Variants in CFAP97D2 observed in about 807,000 individuals in gnomAD.
CFAP97D2 encodes uncharacterized protein CFAP97D2.
intron 3 of CFAP97D2, among the ~76,000 whole-genome samples, chr13:114,206,982 C>T (rs969779537): frequency 1.3e-5 from 2 of 152,190 alleles, no homozygotes; most frequent in Non-Finnish European, 2.9e-5. Context: ...AAGGGACAGG[C>T]ATTGAAATGC....
rs1211410930 is a variant in CFAP97D2, at chr13:114,187,549, CA to C, written c.90+8134del. ...GAACGATAAAATGGGGTCGATTCTCCAAAAAGGCATAATAATCCTTAATGTG... is the reference window on the plus strand; with the variant it reads ...GAACGATAAAATGGGGTCGATTCTCCAAAAGGCATAATAATCCTTAATGTG... On this transcript the variant is annotated intron_variant, in intron 1 of 4. Coordinates refer to ENST00000646158, the Ensembl canonical transcript of CFAP97D2. The surrounding 1 kb of genome is among the most constrained non-coding windows in gnomAD (Gnocchi z 4.2). Among the ~76,000 whole-genome samples the C allele has an allele frequency of 6.6e-6, 1 of 151,960 alleles. No homozygotes were observed. The highest frequency in any genetic ancestry group is 6.6e-5 in the Admixed American group (1 of 15,262).
At chr13:114,218,286 A>G (rs1441248957) in intron 4 of CFAP97D2, among the ~76,000 whole-genome samples, 11 of 152,252 alleles carry the variant, frequency 7.2e-5, no homozygotes, top group South Asian at 2.1e-4. Context: ...ATTGCTTCAA[A>G]GAGAATAAAA....
chr13:114,216,046 T>C (rs1162514254), intron 4 of CFAP97D2, among the ~76,000 whole-genome samples: 1 of 152,200 alleles, frequency 6.6e-6, no homozygotes, highest in Non-Finnish European at 1.5e-5. Flanking sequence ...ACCTCCTATA[T>C]GTTGGGTCTA....
rs142622490 is a variant in CFAP97D2 at position 114,196,436 on chromosome 13, T to C, written c.131T>C (p.Leu44Pro). 32 of 399,684 alleles carry C rather than the reference T, an allele frequency of 8.0e-5. No individual in the cohort carries two copies. In the East Asian group the frequency reaches 1.1e-3, roughly 14 times the overall value. The allele number at this position is 399,684 out of a possible 1,614,324, so 24.8% of individuals were successfully genotyped here. A position where few individuals can be genotyped will look rare whatever the true frequency, so the allele number is the denominator to read the frequency against. ...CCGCTGGTAGACACCCGCGCCCCGC[T>C]GACGTTCCGCCATCTCCACCTGAAA... Residue 44 changes from leucine (L) to proline (P), a missense_variant, in exon 2 of 5, where the codon CTG becomes CCG. Leu to Pro is a moderately conservative substitution (Grantham distance 98). Transcript: ENST00000646158.
At chr13:114,219,522 G>A (rs2081010632) in intron 4 of CFAP97D2, among the ~76,000 whole-genome samples, 1 of 152,180 alleles carries the variant, frequency 6.6e-6, no homozygotes, top group Non-Finnish European at 1.5e-5. Context: ...CACCACAAAA[G>A]CAATGTTAAG....
chr13:114,182,259 C>T lies in CFAP97D2; in HGVS notation c.90+2839C>T, dbSNP rs535613301. Among the ~76,000 whole-genome samples the T allele has an allele frequency of 2.3e-3, 337 of 144,018 alleles. 5 individuals are homozygous for T. Among genetic ancestry groups the T allele is most frequent in the Admixed American group, 7.8e-3 (113 of 14,412 alleles). The allele number at this position is 144,018 out of a possible 152,430, so 94.5% of individuals were successfully genotyped here. On this transcript the variant is annotated intron_variant, in intron 1 of 4. Transcript: ENST00000646158. ...CGTAGGCCAGATTTATGTTTCTCTC[C>T]GCCCAAACATCTCAGTGGAGTAAAG...
At chr13:114,193,754 T>G (rs2080877066) in intron 1 of CFAP97D2, among the ~76,000 whole-genome samples, 1 of 152,150 alleles carries the variant, frequency 6.6e-6, no homozygotes, top group Non-Finnish European at 1.5e-5. Context: ...AATAAAAACT[T>G]ATTTCTCGCA....
At position 114,207,220 on chromosome 13, in the gene CFAP97D2, C is replaced by T. The variant is rs955759501; in HGVS notation, c.291-4692C>T. 6.6e-6 allele frequency among the ~76,000 whole-genome samples: 1 copy of T among 152,214 alleles called. No homozygotes were observed. Among genetic ancestry groups the T allele is most frequent in the African/African-American group, 2.4e-5 (1 of 41,456 alleles). On this transcript the variant is annotated intron_variant, in intron 3 of 4. Coordinates refer to ENST00000646158, the Ensembl canonical transcript of CFAP97D2. This position sits in a 1 kb window ranked among gnomAD's most constrained non-coding sequence, Gnocchi z 4.9. The stretch of plus-strand genomic sequence containing the variant: ...CAGAAAGTCCTCAGGGCTCGCAAAC[C>T]AGAAAGTATCTAGACAGGTCTCAAA...
In CFAP97D2 at chr13:114,211,425, CTG is replaced by C. The variant is rs2080966005; in HGVS notation, c.291-484_291-483del. 6.6e-6 allele frequency among the ~76,000 whole-genome samples: 1 copy of C among 152,186 alleles called. No individual in the cohort carries two copies. Among genetic ancestry groups the C allele is most frequent in the Non-Finnish European group, 1.5e-5 (1 of 68,026 alleles). The stretch of plus-strand genomic sequence containing the variant: ...CACTGTCTTCCACATGTGCCAGACT[CTG>C]TGCACTGCTAGACCCTCCAAAATCC... On this transcript the variant is annotated intron_variant, in intron 3 of 4. Transcript: ENST00000646158. The surrounding 1 kb of genome is among the most constrained non-coding windows in gnomAD (Gnocchi z 4.2).
rs1200159312 is a variant in CFAP97D2 at position 114,179,766 on chromosome 13, CT to C, written c.90+350del. Among the ~76,000 whole-genome samples the C allele has an allele frequency of 6.6e-6, 1 of 152,056 alleles. No individual in the cohort carries two copies. The highest frequency in any genetic ancestry group is 2.4e-5 in the African/African-American group (1 of 41,382). Reference sequence around the variant, plus strand: ...TTAAGACAAAAACACCAGAAGCATCCTTTTCTTTTTCTTTCTTTTTGTTTTT... The same window carrying C: ...TTAAGACAAAAACACCAGAAGCATCCTTTCTTTTTCTTTCTTTTTGTTTTT... On this transcript the variant is annotated intron_variant, in intron 1 of 4. Coordinates refer to ENST00000646158, the Ensembl canonical transcript of CFAP97D2. The surrounding 1 kb of genome is among the most constrained non-coding windows in gnomAD (Gnocchi z 4.8).
At chr13:114,213,426 A>C (rs1047056994) in intron 4 of CFAP97D2, among the ~76,000 whole-genome samples, 57 of 94,522 alleles carry the variant, frequency 6.0e-4, no homozygotes, top group East Asian at 2.1e-3. Context: ...GGACCACAGA[A>C]CCCATCCCTG....
At position 114,189,585 on chromosome 13, in the gene CFAP97D2, G is replaced by T. The variant is rs1047261369; in HGVS notation, c.91-6811G>T. ...ATGCAAAAATCCACAGCAAAACTTA[G>T]CAAATTCGATTAAAAGTGTATAAAA... On this transcript the variant is annotated intron_variant, in intron 1 of 4. Transcript: ENST00000646158. This position sits in a 1 kb window ranked among gnomAD's most constrained non-coding sequence, Gnocchi z 4.5. Among the ~76,000 whole-genome samples, 3 of 152,030 alleles carry T rather than the reference G, an allele frequency of 2.0e-5. No individual in the cohort carries two copies. The highest frequency in any genetic ancestry group is 3.9e-4 in the East Asian group (2 of 5,194).
At chr13:114,202,516 A>G (rs988199680) in intron 3 of CFAP97D2, among the ~76,000 whole-genome samples, 1 of 152,252 alleles carries the variant, frequency 6.6e-6, no homozygotes, top group Admixed American at 6.5e-5. Flanking sequence ...TGTCCCTGGT[A>G]TATGAGCTAA....
chr13:114,198,710 G>A (rs1215254280), intron 2 of CFAP97D2, among the ~76,000 whole-genome samples: 1 of 91,850 alleles, frequency 1.1e-5, no homozygotes, highest in Non-Finnish European at 2.1e-5. Context: ...TCCCCGCTGA[G>A]GGGTGACGGC....
chr13:114,192,976 C>T (rs989128556), intron 1 of CFAP97D2, among the ~76,000 whole-genome samples: 11 of 152,250 alleles, frequency 7.2e-5, no homozygotes, highest in African/African-American at 2.6e-4. Context: ...TGATAAAATA[C>T]TAATTAATAT....
intron 1 of CFAP97D2, among the ~76,000 whole-genome samples, chr13:114,180,780 T>C (rs2080829145): frequency 6.6e-6 from 1 of 152,186 alleles, no homozygotes; most frequent in Non-Finnish European, 1.5e-5. Context: ...CCATGGGTGT[T>C]TTCTTGTTTG....
intron 1 of CFAP97D2, among the ~76,000 whole-genome samples, chr13:114,182,950 G>A (rs2080842053): frequency 1.3e-5 from 2 of 152,108 alleles, no homozygotes; most frequent in African/African-American, 2.4e-5. Flanking sequence ...TGCCCACGGT[G>A]TCAACTCCAG....
chr13:114,208,226 G>C (rs1297742113), intron 3 of CFAP97D2, among the ~76,000 whole-genome samples: 1 of 152,202 alleles, frequency 6.6e-6, no homozygotes, highest in Non-Finnish European at 1.5e-5. Flanking sequence ...ACATGCAAAT[G>C]CTTAGTGCTC....
chr13:114,195,926 A>G (rs556680417), intron 1 of CFAP97D2, among the ~76,000 whole-genome samples: 1 of 151,856 alleles, frequency 6.6e-6, no homozygotes, highest in East Asian at 1.9e-4. Flanking sequence ...CAAAAAAAAA[A>G]AAAAAAACTA....
Sources: allele counts gnomAD v4.1 joint callset (sites outside exome capture counted in the v4.1 genomes callset), GRCh38; gene constraint gnomAD v4.1.1; non-coding constraint Gnocchi (gnomAD v3.1); transcripts MANE v1.5; gene names NCBI Gene and HGNC (gene_info 2026-07-23, HGNC 2026-07-21).